The following AFF2 variants were observed in gnomAD, a reference collection of about 807,000 sequenced individuals.
The protein encoded by AFF2 is ALF transcription elongation factor 2.
Under a neutral mutation model 76.9 loss-of-function variants are expected in AFF2, and 14 were observed. The observed-to-expected ratio is 0.18, with a 90% confidence interval of 0.12 to 0.28. The LOEUF (loss-of-function observed/expected upper bound fraction) is 0.28, where lower values mean the gene tolerates loss of function less well. Among genes scored for constraint, AFF2 ranks in the 10% least tolerant of loss-of-function variants. AFF2 has a pLI of 1.00. For missense variants in AFF2, 868 were observed against 1,001.1 expected (o/e 0.87, Z 1.79); for synonymous variants, 398 against 366.7 (o/e 1.09, Z -0.98).
At chrX:148,686,268 A>G (rs1029950420) in intron 3 of AFF2, among the ~76,000 whole-genome samples, 15 of 111,785 alleles carry the variant, frequency 1.3e-4, no homozygotes, top group African/African-American at 4.6e-4. Context: ...ATGGGGTGAA[A>G]CCATTGATCT....
intron 19 of AFF2, among the ~76,000 whole-genome samples, chrX:148,983,732 G>A (rs1284750544): frequency 9.2e-6 from 1 of 108,908 alleles, no homozygotes; most frequent in Non-Finnish European, 1.9e-5. Flanking sequence ...TTTATTGAGT[G>A]CCTACCTTGT....
At chrX:148,922,041 T>G (rs1472735074) in intron 9 of AFF2, among the ~76,000 whole-genome samples, 1 of 112,213 alleles carries the variant, frequency 8.9e-6, no homozygotes, top group Non-Finnish European at 1.9e-5. Context: ...TTGTGTTCAT[T>G]AGAGCACAAA....
At chrX:148,521,967 G>A (rs1325224593) in intron 1 of AFF2, among the ~76,000 whole-genome samples, 2 of 111,885 alleles carry the variant, frequency 1.8e-5, no homozygotes, top group African/African-American at 6.5e-5. Context: ...GCAATCAACA[G>A]GGGCAGAGAA....
At chrX:148,817,455 A>G (rs781994789) in intron 4 of AFF2, among the ~76,000 whole-genome samples, 1 of 111,511 alleles carries the variant, frequency 9.0e-6, no homozygotes, top group African/African-American at 3.2e-5. Context: ...AAACAGGCTT[A>G]TAGCCATCAA....
intron 7 of AFF2, among the ~76,000 whole-genome samples, chrX:148,849,661 C>T (rs1557275132): frequency 1.8e-5 from 2 of 111,201 alleles, no homozygotes; most frequent in Non-Finnish European, 3.8e-5. Context: ...CCAGGCACTT[C>T]CCATGCACTT....
At position 148,824,587 on chromosome X, in the gene AFF2, C is replaced by T. The variant is rs782028139; in HGVS notation, c.1087-13060C>T. ...CTCCATAAAGTTCGAGAATAAAAAG[C>T]CATTACTTGGAATGCATTCTGGTGA... On this transcript the variant is annotated intron_variant, in intron 4 of 20. Transcript: ENST00000370460. Among the ~76,000 whole-genome samples, 5 of 111,627 alleles carry T rather than the reference C, an allele frequency of 4.5e-5. No individual in the cohort carries two copies. The South Asian group carries it at 1.9e-3, about 42-fold the overall frequency.
At chrX:148,847,218 T>C (rs2070678507) in intron 7 of AFF2, among the ~76,000 whole-genome samples, 1 of 112,420 alleles carries the variant, frequency 8.9e-6, no homozygotes, top group Admixed American at 9.4e-5. Flanking sequence ...CATGACCTTG[T>C]TGGTCTTTTA....
chrX:148,767,029 G>A (rs1469080682), intron 3 of AFF2, among the ~76,000 whole-genome samples: 1 of 110,974 alleles, frequency 9.0e-6, no homozygotes, highest in Admixed American at 9.6e-5. Context: ...TTTCATTTTA[G>A]GGACCACAGT....
intron 4 of AFF2, 84 bp from the exon 5 acceptor site, chrX:148,837,563 A>G: frequency 1.8e-6 from 1 of 543,944 alleles, no homozygotes; most frequent in South Asian, 2.9e-5. Context: ...TAGTATTTAT[A>G]AAGGACCTAC....
In AFF2 at chrX:148,967,083, T is replaced by C. The variant is rs781910891; in HGVS notation, c.3203+4T>C. 23 of 1,206,742 alleles carry C rather than the reference T, an allele frequency of 1.9e-5. No individual in the cohort carries two copies. In the South Asian group the frequency reaches 2.8e-4, roughly 15 times the overall value. ...CCAAGCTCACTTTTGATGACTCGTA[T>C]GTTGTTCCAGATTATCATGGACAGT... On this transcript the variant is annotated splice_donor_region_variant and intron_variant, in intron 14 of 20. Coordinates refer to ENST00000370460, the MANE Select transcript of AFF2 (RefSeq NM_002025.4).
At chrX:148,849,633 T>C (rs1302975203) in intron 7 of AFF2, among the ~76,000 whole-genome samples, 1 of 111,209 alleles carries the variant, frequency 9.0e-6, no homozygotes, top group Non-Finnish European at 1.9e-5. Flanking sequence ...CTCATACTTA[T>C]TGAGTGCCTA....
At chrX:148,848,407 A>G (rs190302774) in intron 7 of AFF2, among the ~76,000 whole-genome samples, 1 of 112,379 alleles carries the variant, frequency 8.9e-6, no homozygotes, top group Admixed American at 9.4e-5. Context: ...TTGCTAAAAA[A>G]CAATTGATAT....
chrX:148,593,177 T>G (rs2053539448), intron 1 of AFF2, among the ~76,000 whole-genome samples: 2 of 112,304 alleles, frequency 1.8e-5, no homozygotes, highest in Non-Finnish European at 3.8e-5. Context: ...GTGCATTCTC[T>G]AAACCAGCAA....
chrX:148,917,334 G>T (rs2071544501), intron 9 of AFF2, among the ~76,000 whole-genome samples: 1 of 112,055 alleles, frequency 8.9e-6, no homozygotes, highest in Admixed American at 9.4e-5. Flanking sequence ...AGTTATATTT[G>T]ATGTATGTCA....
intron 8 of AFF2, among the ~76,000 whole-genome samples, chrX:148,892,086 G>T (rs2071230350): frequency 9.0e-6 from 1 of 111,624 alleles, no homozygotes; most frequent in African/African-American, 3.3e-5. Context: ...CTAATGTGTT[G>T]TGTCTGGGCA....
chrX:148,595,107 G>T (rs1221968446), intron 1 of AFF2, among the ~76,000 whole-genome samples: 4 of 112,102 alleles, frequency 3.6e-5, no homozygotes, highest in Non-Finnish European at 7.5e-5. Flanking sequence ...ATCATGCAAT[G>T]GGACAGAATA....
intron 7 of AFF2, among the ~76,000 whole-genome samples, chrX:148,860,013 A>G (rs1479834939): frequency 9.0e-6 from 1 of 111,299 alleles, no homozygotes; most frequent in African/African-American, 3.3e-5. Context: ...TTACTTGTAT[A>G]GGATAAAAAA....
intron 3 of AFF2, among the ~76,000 whole-genome samples, chrX:148,797,498 C>T (rs2070000455): frequency 8.9e-6 from 1 of 112,338 alleles, no homozygotes; most frequent in African/African-American, 3.2e-5. Flanking sequence ...TAGCCAATTA[C>T]ATTTCACTAT....
chrX:148,622,292 GGATT>G (rs1203274160), intron 1 of AFF2, among the ~76,000 whole-genome samples: 57 of 111,817 alleles, frequency 5.1e-4, no homozygotes, highest in Admixed American at 1.4e-3. Flanking sequence ...TTACTTTAAG[GGATT>G]GACACACAAA....
Sources: allele counts gnomAD v4.1 joint callset (sites outside exome capture counted in the v4.1 genomes callset), GRCh38; gene constraint gnomAD v4.1.1; transcripts MANE v1.5; gene names NCBI Gene and HGNC (gene_info 2026-07-23, HGNC 2026-07-21).